WNT2B: variants seen among roughly 807,000 people sequenced by gnomAD.
WNT2B encodes the protein Wnt family member 2B.
In WNT2B, 19 loss-of-function variants were observed where a neutral mutation model predicts 40.5. The ratio of observed to expected loss-of-function variants is 0.47; its 90% CI spans 0.33 to 0.69. The LOEUF is 0.69. WNT2B is among the 30% of genes least tolerant of loss of function. The pLI is 0.02. For missense variants in WNT2B, 467 were observed against 556.4 expected (o/e 0.84, Z 1.62); for synonymous variants, 220 against 211.9 (o/e 1.04, Z -0.33).
intron 1 of WNT2B, among the ~76,000 whole-genome samples, chr1:112,493,952 A>G (rs1466253943): frequency 6.6e-6 from 1 of 151,604 alleles, no homozygotes; most frequent in Non-Finnish European, 1.5e-5. Context: ...AAAAAAAAAA[A>G]ACGATATTGA....
At position 112,520,907 on chromosome 1, in the gene WNT2B, G is replaced by A; in HGVS notation, c.*398G>A. On this transcript the variant is annotated 3_prime_UTR_variant, in exon 5 of 5. Transcript: ENST00000369684. Reference sequence around the variant, plus strand: ...GAGAGCTTCTTTTTGTTTCTACCTGGCCAAAGTTAGATGGGACAAAGATGA... The same window carrying A: ...GAGAGCTTCTTTTTGTTTCTACCTGACCAAAGTTAGATGGGACAAAGATGA... 1 of 188,142 alleles carries A rather than the reference G, an allele frequency of 5.3e-6. No individual in the cohort carries two copies. Among genetic ancestry groups the A allele is most frequent in the Non-Finnish European group, 1.1e-5 (1 of 90,082 alleles). 11.7% of individuals were successfully genotyped at this position (188,142 alleles called of 1,614,324 possible).
chr1:112,507,886 T>A (rs1432988197), upstream of WNT2B, among the ~76,000 whole-genome samples: 1 of 152,134 alleles, frequency 6.6e-6, no homozygotes, highest in Non-Finnish European at 1.5e-5. Context: ...GAATTTTACT[T>A]CTGACGGAGG....
intron 4 of WNT2B, among the ~76,000 whole-genome samples, chr1:112,519,562 C>T (rs1016888436): frequency 5.3e-5 from 8 of 152,096 alleles, no homozygotes; most frequent in Middle Eastern, 3.2e-3. Flanking sequence ...TAAGCATTCC[C>T]TATGCATGGG....
chr1:112,509,312 G>A lies in WNT2B; in HGVS notation c.50G>A (p.Arg17His). Reference sequence around the variant, plus strand: ...GAAGCTGCGCAGCTCCCGCTTCGGCGCGCCAGCGCCCCGGTCCCTGTGCCG... The same window carrying A: ...GAAGCTGCGCAGCTCCCGCTTCGGCACGCCAGCGCCCCGGTCCCTGTGCCG... Reference protein sequence around the residue: ...AEEAAQLPLRRASAPVPVPSP... With the variant: ...AEEAAQLPLRHASAPVPVPSP... The change falls in exon 1 of 5, where the codon CGC becomes CAC. Residue 17 changes from arginine to histidine, a missense_variant. Arg to His is a conservative substitution (Grantham distance 29). Around this residue, in one of 2 missense-constraint regions of WNT2B, gnomAD observed 137 missense variants for 117.7 expected, o/e 1.16. Coordinates refer to ENST00000369684, the MANE Select transcript of WNT2B (RefSeq NM_024494.3). This position sits in a 1 kb window ranked among gnomAD's most constrained non-coding sequence, Gnocchi z 4.2. The A allele has an allele frequency of 6.4e-7, 1 of 1,565,242 alleles. No individual in the cohort carries two copies. Among genetic ancestry groups the A allele is most frequent in the East Asian group, 2.3e-5 (1 of 42,616 alleles).
At chr1:112,508,234 G>C (rs938906315), upstream of WNT2B, among the ~76,000 whole-genome samples, 3 of 151,902 alleles carry the variant, frequency 2.0e-5, no homozygotes, top group Non-Finnish European at 2.9e-5. This position sits in a 1 kb window ranked among gnomAD's most constrained non-coding sequence, Gnocchi z 4.2. Context: ...GGGGAGCGGG[G>C]AGAGACTGAG....
intron 1 of WNT2B, among the ~76,000 whole-genome samples, chr1:112,499,592 A>G (rs1651884885): frequency 6.6e-6 from 1 of 152,176 alleles, no homozygotes; most frequent in Admixed American, 6.5e-5. Context: ...ACAAAACCCC[A>G]CACCCATTCA....
chr1:112,480,690 G>C (rs1777618), intron 1 of WNT2B, among the ~76,000 whole-genome samples: 124,955 of 152,124 alleles, frequency 0.82, 51,404 homozygotes, highest in South Asian at 0.87. Context: ...TTAAACTCTT[G>C]TGAAAAATAG....
chr1:112,483,794 A>G (rs1394220107), intron 1 of WNT2B, among the ~76,000 whole-genome samples: 1 of 139,740 alleles, frequency 7.2e-6, no homozygotes, highest in Non-Finnish European at 1.5e-5. Context: ...AAAAAAAAAG[A>G]AAGAGAGAAT....
chr1:112,523,289 A>G lies in WNT2B; in HGVS notation c.*2780A>G, dbSNP rs1465537856. 1 of 152,186 alleles carries G rather than the reference A, an allele frequency of 6.6e-6. No individual in the cohort carries two copies. Among genetic ancestry groups the G allele is most frequent in the Non-Finnish European group, 1.5e-5 (1 of 68,034 alleles). The allele number at this position is 152,186 out of a possible 1,614,324, so 9.4% of individuals were successfully genotyped here. ...AAAGATGCAAGTTTTGCAATTTCCT[A>G]TAAATGGTTAAGAAAAGAGCAAGCT... On this transcript the variant is annotated 3_prime_UTR_variant, in exon 5 of 5. Transcript: ENST00000369684.
At chr1:112,477,985 G>A (rs1237785568) in intron 1 of WNT2B, among the ~76,000 whole-genome samples, 2 of 152,212 alleles carry the variant, frequency 1.3e-5, no homozygotes, top group African/African-American at 4.8e-5. Context: ...TGTAACCCTA[G>A]CACATTGGGA....
intron 1 of WNT2B, among the ~76,000 whole-genome samples, chr1:112,511,268 CAG>C (rs1278960967): frequency 1.3e-5 from 2 of 152,072 alleles, no homozygotes; most frequent in Non-Finnish European, 2.9e-5. Context: ...GGAGGTGACA[CAG>C]AGTGACTTAG....
upstream of WNT2B, among the ~76,000 whole-genome samples, chr1:112,504,923 T>G (rs1273440500): frequency 3.9e-5 from 6 of 152,094 alleles, no homozygotes; most frequent in Non-Finnish European, 1.5e-5. Flanking sequence ...AAGAGCTGTT[T>G]ACCCACACCC....
upstream of WNT2B, among the ~76,000 whole-genome samples, chr1:112,506,519 G>A (rs1345281349): frequency 6.6e-6 from 1 of 152,182 alleles, no homozygotes; most frequent in Non-Finnish European, 1.5e-5. Flanking sequence ...AATAAACACA[G>A]GGCCAGAGTC....
At chr1:112,499,700 A>G (rs963861392) in intron 1 of WNT2B, among the ~76,000 whole-genome samples, 5 of 152,240 alleles carry the variant, frequency 3.3e-5, no homozygotes, top group African/African-American at 1.2e-4. Context: ...TGTCAAACTT[A>G]CTAAATCAGA....
upstream of WNT2B, chr1:112,508,741 G>T (rs1652213836): frequency 4.1e-6 from 4 of 986,148 alleles, no homozygotes; most frequent in Non-Finnish European, 4.8e-6. The surrounding 1 kb of genome is among the most constrained non-coding windows in gnomAD (Gnocchi z 4.2). Context: ...CGCTTGGGGC[G>T]CAGGAGGGAG....
chr1:112,509,301 C>G lies in WNT2B; in HGVS notation c.39C>G (p.Leu13=). The change falls in exon 1 of 5, where the codon CTC becomes CTG. Residue 13 remains leucine (L), a synonymous_variant. Transcript: ENST00000369684. The surrounding 1 kb of genome is among the most constrained non-coding windows in gnomAD (Gnocchi z 4.2). ...GTGGTGCGGAGGAAGCTGCGCAGCTCCCGCTTCGGCGCGCCAGCGCCCCGG... is the reference window on the plus strand; with the variant it reads ...GTGGTGCGGAGGAAGCTGCGCAGCTGCCGCTTCGGCGCGCCAGCGCCCCGG... The part of the protein sequence containing the change: ...RPGGAEEAAQ[L]PLRRASAPVP... 6.4e-7 allele frequency: 1 copy of G among 1,555,306 alleles called. No individual in the cohort carries two copies. The highest frequency in any genetic ancestry group is 1.9e-5 in the Admixed American group (1 of 52,134).
At chr1:112,467,570 CA>C (rs780085538) in exon 1 of WNT2B, 1 of 780,904 alleles carries the variant, frequency 1.3e-6, no homozygotes, top group South Asian at 1.3e-5. Context: ...TAGCCATAAG[CA>C]TTTTTGGAAT....
intron 1 of WNT2B, among the ~76,000 whole-genome samples, chr1:112,480,365 CAAAAAAAAAA>C (rs10709816): frequency 2.2e-5 from 2 of 91,696 alleles, no homozygotes; most frequent in African/African-American, 7.6e-5. Flanking sequence ...GACTCCGTCT[CAAAAAAAAAA>C]AAAAAAAAGA....
chr1:112,492,767 TATTAA>T (rs1351527402), intron 1 of WNT2B, among the ~76,000 whole-genome samples: 3 of 152,146 alleles, frequency 2.0e-5, no homozygotes, highest in Non-Finnish European at 2.9e-5. Flanking sequence ...GGGAAGGGAA[TATTAA>T]ATTCCATCCC....
Sources: allele counts gnomAD v4.1 joint callset (sites outside exome capture counted in the v4.1 genomes callset), GRCh38; gene constraint gnomAD v4.1.1; regional missense constraint gnomAD v4.1.1; non-coding constraint Gnocchi (gnomAD v3.1); transcripts MANE v1.5; gene names NCBI Gene and HGNC (gene_info 2026-07-23, HGNC 2026-07-21).